SNX27: variants seen among roughly 807,000 people sequenced by gnomAD.
SNX27 encodes sorting nexin 27.
SNX27 carries 22 observed loss-of-function variants against 71.6 expected under a neutral mutation model. The observed-to-expected ratio is 0.31, with a 90% CI of 0.22 to 0.44. SNX27 has a LOEUF of 0.44. SNX27 is among the 20% of genes least tolerant of loss of function. The pLI, the probability that SNX27 is intolerant of heterozygous loss-of-function variation, is 1.00. For missense variants in SNX27, 531 were observed against 698.6 expected (o/e 0.76, Z 2.70); for synonymous variants, 269 against 277.2 (o/e 0.97, Z 0.29).
At chr1:151,628,080 C>T (rs954531603) in intron 1 of SNX27, among the ~76,000 whole-genome samples, 1 of 149,394 alleles carries the variant, frequency 6.7e-6, no homozygotes. Flanking sequence ...AATCTTGGCT[C>T]ACTGCAACCT....
In SNX27 at chr1:151,612,820, G is replaced by C. The variant is rs1207513057; in HGVS notation, c.311+308G>C. Among the ~76,000 whole-genome samples the C allele has an allele frequency of 6.6e-6, 1 of 152,060 alleles. No individual in the cohort carries two copies. The highest frequency in any genetic ancestry group is 1.5e-5 in the Non-Finnish European group (1 of 68,024). On this transcript the variant is annotated intron_variant, in intron 1 of 11. Coordinates refer to ENST00000458013, the MANE Select transcript of SNX27 (RefSeq NM_001330723.2). The surrounding 1 kb of genome is among the most constrained non-coding windows in gnomAD (Gnocchi z 5.2). ...CCGCCCCTTTGCCTTCCCGTTTGGC[G>C]TGCTGCATTCTGCTCCTCACTCCCC...
At chr1:151,668,715 A>T in intron 7 of SNX27, 80 bp downstream of exon 7, 1 of 1,309,144 alleles carries the variant, frequency 7.6e-7, no homozygotes, top group Non-Finnish European at 1.0e-6. Flanking sequence ...TTCCCTGTAA[A>T]TCCTTAGACA....
At chr1:151,671,527 C>T (rs1203765441) in intron 7 of SNX27, among the ~76,000 whole-genome samples, 1 of 152,118 alleles carries the variant, frequency 6.6e-6, no homozygotes, top group Non-Finnish European at 1.5e-5. Context: ...TGTGCCACCA[C>T]ACCCCACCCA....
rs182869159 is a variant in SNX27, at chr1:151,699,064, G to T, written c.*4647G>T. On this transcript the variant is annotated 3_prime_UTR_variant, in exon 12 of 12. Coordinates refer to ENST00000458013, the MANE Select transcript of SNX27 (RefSeq NM_001330723.2). ...TGTAACATATTCTTTTAAATAAATT[G>T]ATTTATTGATCAAACACTTCTTTGG... The T allele has an allele frequency of 1.3e-5, 2 of 152,690 alleles. No individual in the cohort carries two copies. The highest frequency in any genetic ancestry group is 1.3e-4 in the Admixed American group (2 of 15,294). 9.5% of individuals were successfully genotyped at this position (152,690 alleles called of 1,614,324 possible). A position where few individuals can be genotyped will look rare whatever the true frequency, so the allele number is the denominator to read the frequency against.
chr1:151,649,958 G>C (rs192545663), intron 2 of SNX27, among the ~76,000 whole-genome samples: 83 of 152,100 alleles, frequency 5.5e-4, no homozygotes, highest in Non-Finnish European at 1.0e-3. Context: ...CACCATCTTG[G>C]CTCGCTGCAA....
intron 4 of SNX27, 100 bp from the exon 5 acceptor site, chr1:151,662,063 ACTT>A (rs1004698195): frequency 2.7e-5 from 19 of 706,668 alleles, no homozygotes; most frequent in African/African-American, 1.3e-4. Flanking sequence ...ATTGGAACTC[ACTT>A]CTTCTCTACC....
intron 1 of SNX27, 104 bp from the exon 2 acceptor site, chr1:151,638,784 T>C: frequency 1.0e-6 from 1 of 989,024 alleles, no homozygotes; most frequent in African/African-American, 1.6e-5. Context: ...TTTGACTTCA[T>C]GGTTCATACC....
intron 7 of SNX27, chr1:151,678,289 T>G (rs183936877): frequency 6.6e-6 from 1 of 152,336 alleles, no homozygotes; most frequent in East Asian, 1.9e-4. Flanking sequence ...CAACTACCAT[T>G]CTACTTTTTG....
chr1:151,641,620 T>TGTATCAG (rs1345182042), intron 2 of SNX27, among the ~76,000 whole-genome samples: 1 of 133,586 alleles, frequency 7.5e-6, no homozygotes, highest in African/African-American at 3.0e-5. Context: ...TATATATATA[T>TGTATCAG]ATATATATAT....
chr1:151,616,080 G>C (rs1365762845), intron 1 of SNX27, among the ~76,000 whole-genome samples: 4 of 152,206 alleles, frequency 2.6e-5, no homozygotes, highest in Non-Finnish European at 5.9e-5. Flanking sequence ...AGCAAAGCTG[G>C]TTTCCACCTT....
rs1258191270 is a variant in SNX27 at position 151,696,014 on chromosome 1, A to G, written c.*1597A>G. 6.6e-6 allele frequency: 1 copy of G among 152,248 alleles called. No homozygotes were observed. The highest frequency in any genetic ancestry group is 2.4e-5 in the African/African-American group (1 of 41,458). 9.4% of individuals were successfully genotyped at this position (152,248 alleles called of 1,614,324 possible). A position where few individuals can be genotyped will look rare whatever the true frequency, so the allele number is the denominator to read the frequency against. ...GATAGCCCCATCCAAGCCAGCTGAG[A>G]ACCTAGGAAGGAGTAGTAGGAATAT... On this transcript the variant is annotated 3_prime_UTR_variant, in exon 12 of 12. Transcript: ENST00000458013.
rs1296229335 is a variant in SNX27 at position 151,658,337 on chromosome 1, T to C, written c.646T>C (p.Phe216Leu). The C allele has an allele frequency of 6.2e-7, 1 of 1,614,144 alleles. No individual in the cohort carries two copies. The highest frequency in any genetic ancestry group is 1.3e-5 in the African/African-American group (1 of 75,026). Residue 216 changes from phenylalanine (F) to leucine (L), a missense_variant, in exon 3 of 12, where the codon TTT becomes CTT. Physicochemically the swap from Phe to Leu is conservative, Grantham distance 22. Around this residue, in one of 5 missense-constraint regions of SNX27, gnomAD observed 184 missense variants for 289.6 expected, o/e 0.64. Coordinates refer to ENST00000458013, the MANE Select transcript of SNX27 (RefSeq NM_001330723.2). ...GAAGAGAGAGTTTGCCAACTTTACA[T>C]TTCCTCGACTCCCAGGGAAGTGGCC... Reference protein sequence around the residue: ...NLKREFANFTFPRLPGKWPFS... With the variant: ...NLKREFANFTLPRLPGKWPFS...
intron 2 of SNX27, among the ~76,000 whole-genome samples, chr1:151,642,734 G>T (rs1443273206): frequency 1.3e-5 from 2 of 152,028 alleles, no homozygotes; most frequent in Middle Eastern, 3.4e-3. Context: ...CGCCTCCATG[G>T]TTCACGCCAT....
At chr1:151,683,508 C>G in intron 8 of SNX27, 63 bp downstream of exon 8, 5 of 1,267,316 alleles carry the variant, frequency 3.9e-6, no homozygotes, top group Non-Finnish European at 5.6e-6. Flanking sequence ...ACCTATAGTC[C>G]TAGTCATTTT....
chr1:151,668,701 C>T, intron 7 of SNX27, 66 bp downstream of exon 7: 1 of 1,467,270 alleles, frequency 6.8e-7, no homozygotes. Context: ...TGGTACTTTG[C>T]CAATTCCCTG....
chr1:151,668,951 A>G (rs1260760304), intron 7 of SNX27, among the ~76,000 whole-genome samples: 2 of 152,204 alleles, frequency 1.3e-5, no homozygotes, highest in African/African-American at 4.8e-5. Flanking sequence ...AGTTTAAAGC[A>G]TCAAATAGTT....
chr1:151,641,297 A>T (rs1005319871), intron 2 of SNX27, among the ~76,000 whole-genome samples: 3 of 152,116 alleles, frequency 2.0e-5, no homozygotes, highest in African/African-American at 7.2e-5. Context: ...CAAAGTGGCT[A>T]TATCATTTTT....
intron 7 of SNX27, chr1:151,676,939 T>A (rs2102710811): frequency 6.6e-6 from 1 of 152,176 alleles, no homozygotes; most frequent in Non-Finnish European, 1.5e-5. Flanking sequence ...GTCTGGTGTG[T>A]GTGTGTGTGT....
chr1:151,657,241 G>A (rs890939719), intron 2 of SNX27, among the ~76,000 whole-genome samples: 16 of 152,062 alleles, frequency 1.1e-4, no homozygotes, highest in South Asian at 8.3e-4. Context: ...TGGCAGGATC[G>A]TGGCTCACTG....
Sources: gnomAD v4.1 joint callset for allele counts (sites outside exome capture counted in the v4.1 genomes callset) on GRCh38, gnomAD v4.1.1 for gene constraint, gnomAD v4.1.1 regional missense constraint, Gnocchi (gnomAD v3.1) non-coding constraint, MANE v1.5 for transcripts, NCBI Gene and HGNC (gene_info 2026-07-23, HGNC 2026-07-21) for gene names.